RCN3: variants seen among roughly 807,000 people sequenced by gnomAD.
RCN3 encodes the protein reticulocalbin 3.
RCN3 carries 41 observed loss-of-function variants against 35.9 expected under a neutral mutation model. The observed-to-expected ratio is 1.14, with a 90% confidence interval of 0.89 to 1.48. The LOEUF is 1.48. RCN3 is among the 40% of genes most tolerant of loss of function. The pLI is 0.00. For missense variants in RCN3, 451 were observed against 471.3 expected, an observed-to-expected ratio of 0.96 and a Z score of 0.40; for synonymous variants, 187 against 193.4, an observed-to-expected ratio of 0.97 and a Z score of 0.27.
At chr19:49,533,089 G>T (rs759581266) in intron 2 of RCN3, among the ~76,000 whole-genome samples, 6 of 152,174 alleles carry the variant, frequency 3.9e-5, no homozygotes, top group Non-Finnish European at 7.3e-5. Flanking sequence ...ACACAGAGAG[G>T]TTAAGTCACT....
chr19:49,542,340 A>G (rs1189067582), intron 5 of RCN3, among the ~76,000 whole-genome samples: 1 of 152,182 alleles, frequency 6.6e-6, no homozygotes, highest in African/African-American at 2.4e-5. Flanking sequence ...CAATCAACCA[A>G]TCAAATGAAT....
chr19:49,542,779 C>A, intron 6 of RCN3, 27 bp downstream of exon 6: 1 of 1,551,598 alleles, frequency 6.4e-7, no homozygotes, highest in South Asian at 1.2e-5. Context: ...TCGGCAGGAG[C>A]GAGGAGCGGG....
intron 2 of RCN3, among the ~76,000 whole-genome samples, chr19:49,531,877 T>G (rs1417116443): frequency 6.6e-6 from 1 of 152,182 alleles, no homozygotes; most frequent in Non-Finnish European, 1.5e-5. Flanking sequence ...CTCGGCTCAC[T>G]GCAAGCTCCA....
chr19:49,537,232 C>T, intron 4 of RCN3, 27 bp downstream of exon 4: 1 of 1,449,148 alleles, frequency 6.9e-7, no homozygotes, highest in Non-Finnish European at 9.2e-7. Flanking sequence ...GAACCCTGTC[C>T]CCCACACCCT....
At chr19:49,528,275 C>A in intron 1 of RCN3, 192 bp from the exon 2 acceptor site, 1 of 514,182 alleles carries the variant, frequency 1.9e-6, no homozygotes, top group East Asian at 3.1e-5. Flanking sequence ...TCGGTCCTCC[C>A]CATAGGTGGC....
intron 2 of RCN3, 26 bp from the exon 3 acceptor site, chr19:49,534,167 T>A (rs2122723617): frequency 6.8e-7 from 1 of 1,473,962 alleles, no homozygotes; most frequent in East Asian, 2.7e-5. Context: ...GACCAGAGCC[T>A]GACGTGTGCC....
rs1014643639 is a variant in RCN3, at chr19:49,528,503, C to A, written c.31C>A (p.Leu11Met). MMWRPSVLLL[L>M]LLLRHGAQGK... ...GTGGCGACCATCAGTTCTGCTGCTT[C>A]TGTTGCTACTGAGGCACGGGGCCCA... Residue 11 changes from leucine (L) to methionine (M), a missense_variant, in exon 2 of 7, where the codon CTG (leucine) becomes ATG (methionine). Coordinates refer to ENST00000270645, the MANE Select transcript of RCN3 (RefSeq NM_020650.3). 6 of 1,537,166 alleles carry A rather than the reference C, an allele frequency of 3.9e-6. 1 individual carries two copies. In the African/African-American group the frequency reaches 5.6e-5, roughly 14 times the overall value.
chr19:49,543,301 C>T lies in RCN3; in HGVS notation c.*88C>T, dbSNP rs566924794. The T allele has an allele frequency of 2.8e-5, 30 of 1,081,670 alleles. 1 individual carries two copies. In the South Asian group the frequency reaches 3.6e-4, roughly 13 times the overall value. 67.0% of individuals were successfully genotyped at this position (1,081,670 alleles called of 1,614,324 possible). A position where few individuals can be genotyped will look rare whatever the true frequency, so the allele number is the denominator to read the frequency against. ...TCTGGCCCCCTCCCTGTCCAGGCCC[C>T]GCAGGAGGCAGATGCAGTCCCAGGC... On this transcript the variant is annotated 3_prime_UTR_variant, in exon 7 of 7. Transcript: ENST00000270645.
chr19:49,538,809 G>T (rs1168704667), intron 4 of RCN3, among the ~76,000 whole-genome samples: 3 of 152,196 alleles, frequency 2.0e-5, no homozygotes, highest in Admixed American at 6.5e-5. Flanking sequence ...GAGGGTGTTT[G>T]CTGGGGCTTG....
chr19:49,528,278 T>C, intron 1 of RCN3, 189 bp from the exon 2 acceptor site: 2 of 515,920 alleles, frequency 3.9e-6, no homozygotes, highest in Non-Finnish European at 6.7e-6. Flanking sequence ...GTCCTCCCCA[T>C]AGGTGGCTTT....
chr19:49,541,556 C>A (rs1331056944), intron 5 of RCN3, among the ~76,000 whole-genome samples: 1 of 152,174 alleles, frequency 6.6e-6, no homozygotes, highest in Non-Finnish European at 1.5e-5. Flanking sequence ...CAAGACCAGC[C>A]TGGCCAACAT....
intron 4 of RCN3, among the ~76,000 whole-genome samples, chr19:49,538,195 C>G (rs1486735543): frequency 6.7e-6 from 1 of 149,066 alleles, no homozygotes; most frequent in Non-Finnish European, 1.5e-5. Flanking sequence ...CGGAGTCTCG[C>G]TCTGTCGCCC....
intron 5 of RCN3, among the ~76,000 whole-genome samples, chr19:49,540,005 G>A (rs2080155860): frequency 6.6e-6 from 1 of 152,066 alleles, no homozygotes; most frequent in Non-Finnish European, 1.5e-5. Flanking sequence ...TTACAGGCGT[G>A]AGCAACCACG....
intron 3 of RCN3, among the ~76,000 whole-genome samples, chr19:49,536,473 G>A (rs957879853): frequency 6.7e-6 from 1 of 148,900 alleles, no homozygotes; most frequent in African/African-American, 2.5e-5. Flanking sequence ...GCAAATTTTT[G>A]TATTTTTAGT....
chr19:49,538,843 C>T (rs770619615), intron 4 of RCN3, among the ~76,000 whole-genome samples: 1 of 152,176 alleles, frequency 6.6e-6, no homozygotes, highest in Non-Finnish European at 1.5e-5. Context: ...GGACCCAGGA[C>T]AGCTCCCCTT....
At chr19:49,538,645 T>C (rs1324501103) in intron 4 of RCN3, among the ~76,000 whole-genome samples, 1 of 152,058 alleles carries the variant, frequency 6.6e-6, no homozygotes, top group Non-Finnish European at 1.5e-5. Context: ...TGGATATAAA[T>C]TGGGGAACAA....
chr19:49,528,709 T>C lies in RCN3; in HGVS notation c.237T>C (p.Arg79=), dbSNP rs1327086749. The part of the protein sequence containing the change: ...DQLTPEESQA[R]LGRIVDRMDR... Reference sequence around the variant, plus strand: ...TCACCCCAGAGGAAAGCCAGGCCCGTCTGGGGTAAGAGAGACATTCGGTTG... The same window carrying C: ...TCACCCCAGAGGAAAGCCAGGCCCGCCTGGGGTAAGAGAGACATTCGGTTG... The change falls in exon 2 of 7, where the codon CGT becomes CGC. Residue 79 remains arginine (R), a synonymous_variant. Transcript: ENST00000270645. 3 of 1,588,422 alleles carry C rather than the reference T, an allele frequency of 1.9e-6. No individual in the cohort carries two copies. Among genetic ancestry groups the C allele is most frequent in the East Asian group, 4.6e-5 (2 of 43,548 alleles).
At position 49,528,452 on chromosome 19, in the gene RCN3, T is replaced by C; in HGVS notation, c.-6-15T>C. Reference sequence around the variant, plus strand: ...TCCCTGTGACCCCTGACCCCTGGCCTTTGCCACTCCCCAGGGACCGATGAT... The same window carrying C: ...TCCCTGTGACCCCTGACCCCTGGCCCTTGCCACTCCCCAGGGACCGATGAT... On this transcript the variant is annotated splice_polypyrimidine_tract_variant and intron_variant, in intron 1 of 6. Transcript: ENST00000270645. 1.4e-6 allele frequency: 2 copies of C among 1,479,136 alleles called. No individual in the cohort carries two copies. Among genetic ancestry groups the C allele is most frequent in the Non-Finnish European group, 1.8e-6 (2 of 1,114,460 alleles). 91.6% of individuals were successfully genotyped at this position (1,479,136 alleles called of 1,614,324 possible).
Position 49,543,558 on chromosome 19 carries a change from G to A in RCN3, c.*345G>A. 7.0e-6 allele frequency: 2 copies of A among 287,270 alleles called. No homozygotes were observed. Among genetic ancestry groups the A allele is most frequent in the Non-Finnish European group, 1.4e-5 (2 of 147,426 alleles). The allele number at this position is 287,270 out of a possible 1,614,324, so 17.8% of individuals were successfully genotyped here. A position where few individuals can be genotyped will look rare whatever the true frequency, so the allele number is the denominator to read the frequency against. The stretch of plus-strand genomic sequence containing the variant: ...CACCACATAGACTGAAACTCCCCTG[G>A]CCCCAGCCCTCTCCTGCCTGGCCTG... On this transcript the variant is annotated 3_prime_UTR_variant, in exon 7 of 7. Transcript: ENST00000270645.
Sources: gnomAD v4.1 joint callset for allele counts (sites outside exome capture counted in the v4.1 genomes callset) on GRCh38, gnomAD v4.1.1 for gene constraint, MANE v1.5 for transcripts, NCBI Gene and HGNC (gene_info 2026-07-23, HGNC 2026-07-21) for gene names.